Variants in E2F7 observed in about 807,000 individuals in gnomAD.
E2F7 encodes the protein transcription factor E2F7.
In E2F7, 35 loss-of-function variants were observed where a neutral mutation model predicts 81.1. The ratio of observed to expected loss-of-function variants is 0.43; its 90% CI spans 0.33 to 0.57. The LOEUF (loss-of-function observed/expected upper bound fraction) is 0.57. Among genes scored for constraint, E2F7 ranks in the 20% least tolerant of loss-of-function variants. E2F7 has a pLI of 0.04. For missense variants in E2F7, 961 were observed against 1,093.7 expected, an observed-to-expected ratio of 0.88 and a Z score of 1.71; for synonymous variants, 416 against 416.2, an observed-to-expected ratio of 1.00 and a Z score of 0.01.
At position 77,033,880 on chromosome 12, in the gene E2F7, C is replaced by T. The variant is rs1954826383; in HGVS notation, c.1286G>A (p.Ser429Asn). Residue 429 changes from serine (S) to asparagine (N), a missense_variant, in exon 8 of 13, where the codon AGC (serine) becomes AAC (asparagine). Ser to Asn is a conservative substitution (Grantham distance 46). Coordinates refer to ENST00000322886, the MANE Select transcript of E2F7 (RefSeq NM_203394.3). ...RIQRKVNSEP[S>N]SPYREEQGSG... ...ACCTTGTTCTTCTCTGTACGGGCTG[C>T]TCGGTTCTGAGTTCACTTTCCTCTG... The T allele has an allele frequency of 3.1e-6, 5 of 1,612,528 alleles. No individual in the cohort carries two copies. Among genetic ancestry groups the T allele is most frequent in the Non-Finnish European group, 4.2e-6 (5 of 1,179,520 alleles).
Position 77,029,852 on chromosome 12 carries a change from C to T in E2F7, c.1863G>A (p.Pro621=), listed in dbSNP as rs140294649. The T allele has an allele frequency of 4.5e-5, 72 of 1,614,192 alleles. 1 individual carries two copies. The highest frequency in any genetic ancestry group is 3.6e-4 in the African/African-American group (27 of 75,060). The change falls in exon 10 of 13, where the codon CCG becomes CCA. Residue 621 remains proline (P), a synonymous_variant. Coordinates refer to ENST00000322886, the MANE Select transcript of E2F7 (RefSeq NM_203394.3). The part of the protein sequence containing the change: ...KRQSREYEDG[P]LSLVMPKKPS... ...TTACCTTGGGCATGACAAGCGACAG[C>T]GGGCCGTCTTCATATTCCCTACTTT...
At chr12:77,026,993 G>A (rs975269654) in intron 11 of E2F7, among the ~76,000 whole-genome samples, 17 of 152,162 alleles carry the variant, frequency 1.1e-4, no homozygotes, top group Non-Finnish European at 2.9e-5. Context: ...CCCCTGTGCT[G>A]GGCTGTAATT....
chr12:77,065,321 C>T (rs1025933450), intron 1 of E2F7, 24 bp downstream of exon 1: 4 of 152,398 alleles, frequency 2.6e-5, no homozygotes, highest in Admixed American at 2.6e-4. Context: ...CGCCTCCCCA[C>T]TGGCGCTGGG....
intron 8 of E2F7, 109 bp downstream of exon 8, chr12:77,033,748 G>A (rs1344898510): frequency 8.6e-7 from 1 of 1,163,176 alleles, no homozygotes; most frequent in African/African-American, 1.6e-5. Flanking sequence ...AAAACAGCCA[G>A]GGCTGAGAGT....
In E2F7 at chr12:77,046,226, C is replaced by T. The variant is rs61759462; in HGVS notation, c.641G>A (p.Ser214Asn). ...GAGGTTCCTCAGGGTTTTTGGCAGG[C>T]TGTGCCGTCCATGCCAGCCATACTG... Reference protein sequence around the residue: ...KNQYGWHGRHSLPKTLRNLQR... With the variant: ...KNQYGWHGRHNLPKTLRNLQR... The change falls in exon 5 of 13, where the codon AGC becomes AAC. Residue 214 changes from serine to asparagine, a missense_variant. Coordinates refer to ENST00000322886, the MANE Select transcript of E2F7 (RefSeq NM_203394.3). The T allele has an allele frequency of 3.5e-4, 560 of 1,614,062 alleles. 1 individual carries two copies. Among genetic ancestry groups the T allele is most frequent in the Non-Finnish European group, 4.4e-4 (515 of 1,180,030 alleles).
At chr12:77,035,849 TAA>T (rs1458361262) in intron 7 of E2F7, among the ~76,000 whole-genome samples, 1 of 152,072 alleles carries the variant, frequency 6.6e-6, no homozygotes, top group Admixed American at 6.6e-5. Flanking sequence ...CTGGATATGT[TAA>T]GTCTTAGAGA....
chr12:77,033,008 A>G, intron 9 of E2F7, 42 bp downstream of exon 9: 1 of 1,567,664 alleles, frequency 6.4e-7, no homozygotes, highest in Non-Finnish European at 8.7e-7. Flanking sequence ...TAACACTAGG[A>G]GATAGAAAAG....
At chr12:77,063,455 G>A (rs145466717) in intron 2 of E2F7, among the ~76,000 whole-genome samples, 1 of 152,302 alleles carries the variant, frequency 6.6e-6, no homozygotes, top group African/African-American at 2.4e-5. Context: ...TAAGTACTTA[G>A]TTAAGATGGA....
chr12:77,058,454 C>T (rs1017363104), intron 2 of E2F7, among the ~76,000 whole-genome samples: 11 of 152,126 alleles, frequency 7.2e-5, no homozygotes, highest in Non-Finnish European at 1.0e-4. Context: ...TAAAAATGAG[C>T]CTGTGTCCTG....
At chr12:77,036,887 G>A (rs1182717325) in intron 7 of E2F7, among the ~76,000 whole-genome samples, 11 of 151,954 alleles carry the variant, frequency 7.2e-5, no homozygotes, top group East Asian at 1.9e-4. Flanking sequence ...GACTACAGGC[G>A]CCCGCCACCA....
At chr12:77,058,067 A>G (rs139515413) in intron 2 of E2F7, among the ~76,000 whole-genome samples, 1 of 152,322 alleles carries the variant, frequency 6.6e-6, no homozygotes, top group South Asian at 2.1e-4. Flanking sequence ...CGGTCCTAGT[A>G]TAAGAGGAAG....
At chr12:77,060,716 G>A (rs1322005280) in intron 2 of E2F7, among the ~76,000 whole-genome samples, 4 of 152,110 alleles carry the variant, frequency 2.6e-5, no homozygotes, top group African/African-American at 7.2e-5. Context: ...TACTATTTAA[G>A]TCTCATTGCA....
chr12:77,052,063 AATG>A (rs1348826662), intron 3 of E2F7, among the ~76,000 whole-genome samples: 2 of 152,250 alleles, frequency 1.3e-5, no homozygotes, highest in Non-Finnish European at 2.9e-5. Flanking sequence ...AAGCAACAAA[AATG>A]ATAAGGATTT....
intron 5 of E2F7, among the ~76,000 whole-genome samples, chr12:77,045,369 TCTC>T (rs1954931341): frequency 6.6e-6 from 1 of 152,208 alleles, no homozygotes; most frequent in South Asian, 2.1e-4. Flanking sequence ...ATGGCTGTCT[TCTC>T]TGGTTATTAA....
intron 1 of E2F7, among the ~76,000 whole-genome samples, 168 bp downstream of exon 1, chr12:77,065,177 G>C (rs745600919): frequency 8.5e-5 from 13 of 152,184 alleles, no homozygotes; most frequent in Admixed American, 2.0e-4. Flanking sequence ...CCGGGCCGGA[G>C]TGAGAGCTGC....
chr12:77,060,526 A>C (rs1955069251), intron 2 of E2F7, among the ~76,000 whole-genome samples: 1 of 152,184 alleles, frequency 6.6e-6, no homozygotes, highest in South Asian at 2.1e-4. Context: ...AAGTGTATAT[A>C]TTAGCTCTGG....
intron 7 of E2F7, among the ~76,000 whole-genome samples, chr12:77,035,018 G>A (rs375513144): frequency 6.6e-6 from 1 of 152,150 alleles, no homozygotes; most frequent in Non-Finnish European, 1.5e-5. Flanking sequence ...ACAAAATATT[G>A]GACATAATGC....
In E2F7 at chr12:77,022,308, C is replaced by T. The variant is rs908656305; in HGVS notation, c.*1707G>A. ...TGATGGTTAGAACCACATTTTTAAC[C>T]TAACTCTATAGAAGACTGTAAAAAA... On this transcript the variant is annotated 3_prime_UTR_variant, in exon 13 of 13. Coordinates refer to ENST00000322886, the MANE Select transcript of E2F7 (RefSeq NM_203394.3). 6.6e-6 allele frequency: 1 copy of T among 151,812 alleles called. No individual in the cohort carries two copies. The highest frequency in any genetic ancestry group is 2.4e-5 in the African/African-American group (1 of 41,238). 9.4% of individuals were successfully genotyped at this position (151,812 alleles called of 1,614,324 possible). A position where few individuals can be genotyped will look rare whatever the true frequency, so the allele number is the denominator to read the frequency against.
rs1954730577 is a variant in E2F7 at position 77,023,457 on chromosome 12, T to C, written c.*558A>G. Reference sequence around the variant, plus strand: ...TAGAATAAAAGTATAAACATTCAAGTCGTCATACCCTGAAAAAAATGTGTT... The same window carrying C: ...TAGAATAAAAGTATAAACATTCAAGCCGTCATACCCTGAAAAAAATGTGTT... On this transcript the variant is annotated 3_prime_UTR_variant, in exon 13 of 13. Coordinates refer to ENST00000322886, the MANE Select transcript of E2F7 (RefSeq NM_203394.3). The C allele has an allele frequency of 6.5e-6, 1 of 152,738 alleles. No individual in the cohort carries two copies. Among genetic ancestry groups the C allele is most frequent in the Admixed American group, 6.5e-5 (1 of 15,286 alleles). The allele number at this position is 152,738 out of a possible 1,614,324, so 9.5% of individuals were successfully genotyped here.
Sources: allele counts gnomAD v4.1 joint callset (sites outside exome capture counted in the v4.1 genomes callset), GRCh38; gene constraint gnomAD v4.1.1; transcripts MANE v1.5; gene names NCBI Gene and HGNC (gene_info 2026-07-23, HGNC 2026-07-21).